Variants in SETX observed in about 807,000 individuals in gnomAD.
The protein encoded by SETX is helicase senataxin.
Under a neutral mutation model 227.2 loss-of-function variants are expected in SETX, and 90 were observed. The ratio of observed to expected loss-of-function variants is 0.40; its 90% CI spans 0.33 to 0.47. The LOEUF is 0.47. Ranked by LOEUF, SETX falls within the 20% of genes least tolerant of loss-of-function variation. The pLI, the probability that SETX is intolerant of heterozygous loss-of-function variation, is 0.91. For synonymous variants in SETX, 1,210 were observed against 1,113.2 expected, an observed-to-expected ratio of 1.09 and a Z score of -1.73; for missense variants, 3,052 against 3,181.5, an observed-to-expected ratio of 0.96 and a Z score of 0.98.
At chr9:132,298,003 G>A in intron 13 of SETX, 77 bp downstream of exon 13, 1 of 1,223,124 alleles carries the variant, frequency 8.2e-7, no homozygotes, top group East Asian at 2.3e-5. Context: ...AAACATATAG[G>A]AATACATAGC....
chr9:132,284,102 T>C (rs1843693301), intron 18 of SETX, among the ~76,000 whole-genome samples: 1 of 152,194 alleles, frequency 6.6e-6, no homozygotes, highest in Non-Finnish European at 1.5e-5. Context: ...AACCATGGAA[T>C]TCAAGGCATT....
In SETX at chr9:132,264,428, A is replaced by C; in HGVS notation, c.7845T>G (p.Ala2615=). The stretch of plus-strand genomic sequence containing the variant: ...CATCACATTTGCTCTGACACGTGGA[A>C]GCCTCGGGACTGGCAGCTGGAGGTT... ...RGEPPAASPE[A]STCQSKCDDP... The change falls in exon 26 of 26, where the codon GCT becomes GCG. Residue 2615 remains alanine (A), a synonymous_variant. Transcript: ENST00000224140. 1 of 1,614,012 alleles carries C rather than the reference A, an allele frequency of 6.2e-7. No homozygotes were observed.
intron 3 of SETX, among the ~76,000 whole-genome samples, chr9:132,348,437 T>C (rs1000345933): frequency 6.7e-6 from 1 of 150,030 alleles, no homozygotes; most frequent in South Asian, 2.1e-4. Flanking sequence ...GATACATGCA[T>C]GTATTATAGC....
intron 16 of SETX, 26 bp downstream of exon 16, chr9:132,288,524 T>C: frequency 1.3e-6 from 2 of 1,543,202 alleles, no homozygotes; most frequent in Non-Finnish European, 9.0e-7. Context: ...GAGAAAACAC[T>C]AGTATATACC....
At chr9:132,348,715 C>T (rs1848447737) in intron 3 of SETX, among the ~76,000 whole-genome samples, 1 of 132,874 alleles carries the variant, frequency 7.5e-6, no homozygotes, top group African/African-American at 2.8e-5. Flanking sequence ...CACTTGAGCT[C>T]AGGAGTTCAG....
intron 6 of SETX, among the ~76,000 whole-genome samples, chr9:132,335,260 A>G (rs559200251): frequency 0.037 from 5,623 of 151,452 alleles, 173 homozygotes; most frequent in African/African-American, 0.084. Context: ...GCGTGGTGGC[A>G]GGCGCCTGTG....
At chr9:132,309,688 G>GA (rs893867543) in intron 11 of SETX, among the ~76,000 whole-genome samples, 16 of 144,320 alleles carry the variant, frequency 1.1e-4, no homozygotes, top group South Asian at 2.2e-4. Context: ...ATTTAAGAAA[G>GA]AAAAAAAAAA....
intron 12 of SETX, among the ~76,000 whole-genome samples, chr9:132,299,957 C>G (rs1232565914): frequency 1.3e-5 from 2 of 151,632 alleles, no homozygotes; most frequent in African/African-American, 2.4e-5. Flanking sequence ...GGTGAAACCC[C>G]GTCTCCACTA....
chr9:132,342,537 C>T (rs191435943), intron 5 of SETX, among the ~76,000 whole-genome samples, 153 bp downstream of exon 5: 63 of 152,266 alleles, frequency 4.1e-4, no homozygotes, highest in African/African-American at 1.5e-3. Context: ...TTCTTTGACC[C>T]CAGAGCGCCC....
chr9:132,271,562 G>A (rs1430173416), intron 24 of SETX, 148 bp downstream of exon 24: 1 of 728,008 alleles, frequency 1.4e-6, no homozygotes, highest in Non-Finnish European at 2.4e-6. Flanking sequence ...ACTTAAAAGA[G>A]AAACTTTCAT....
At chr9:132,286,253 G>C (rs1250533002) in intron 18 of SETX, among the ~76,000 whole-genome samples, 170 bp downstream of exon 18, 1 of 150,908 alleles carries the variant, frequency 6.6e-6, no homozygotes. Flanking sequence ...ATGGGAGACT[G>C]AGGTTGCAGT....
chr9:132,282,651 T>TC (rs1459610808), intron 19 of SETX: 3 of 160,848 alleles, frequency 1.9e-5, no homozygotes, highest in Non-Finnish European at 4.1e-5. Flanking sequence ...TGAGTGTGTT[T>TC]CCCCATATCT....
intron 5 of SETX, 150 bp downstream of exon 5, chr9:132,342,540 G>A (rs1848041811): frequency 7.9e-6 from 6 of 760,530 alleles, no homozygotes; most frequent in Non-Finnish European, 1.2e-5. Context: ...TTTGACCCCA[G>A]AGCGCCCTCT....
chr9:132,278,358 T>C, intron 20 of SETX, 101 bp from the exon 21 acceptor site: 1 of 1,169,644 alleles, frequency 8.5e-7, no homozygotes. Flanking sequence ...TATGGCAACG[T>C]TCAGGTAGCA....
At chr9:132,317,975 T>C (rs970075907) in intron 10 of SETX, among the ~76,000 whole-genome samples, 8 of 152,206 alleles carry the variant, frequency 5.3e-5, no homozygotes, top group African/African-American at 1.9e-4. Flanking sequence ...ATCTTGGTCT[T>C]AATTTATCAC....
chr9:132,331,560 C>A, intron 7 of SETX, 112 bp from the exon 8 acceptor site: 1 of 1,167,440 alleles, frequency 8.6e-7, no homozygotes, highest in Non-Finnish European at 1.2e-6. Flanking sequence ...CAACTAAAAG[C>A]CAAGGAGCAA....
At chr9:132,270,859 T>G (rs759149258) in intron 24 of SETX, among the ~76,000 whole-genome samples, 12 of 152,140 alleles carry the variant, frequency 7.9e-5, no homozygotes, top group Admixed American at 2.6e-4. Flanking sequence ...AATTTCAAAT[T>G]AGCTGGGAAA....
At chr9:132,352,451 T>C (rs903788509) in intron 2 of SETX, among the ~76,000 whole-genome samples, 34 of 152,318 alleles carry the variant, frequency 2.2e-4, no homozygotes, top group Non-Finnish European at 1.3e-4. Flanking sequence ...ACTGAGAATG[T>C]ATTGTAAAAC....
chr9:132,330,926 T>G (rs1164108336), intron 9 of SETX, 126 bp downstream of exon 9: 1 of 774,298 alleles, frequency 1.3e-6, no homozygotes, highest in African/African-American at 1.7e-5. Context: ...TGAGAAGGGC[T>G]TTTACATAGC....
Sources: allele counts gnomAD v4.1 joint callset (sites outside exome capture counted in the v4.1 genomes callset), GRCh38; gene constraint gnomAD v4.1.1; transcripts MANE v1.5; gene names NCBI Gene and HGNC (gene_info 2026-07-23, HGNC 2026-07-21).